DNAJC13: variants seen among roughly 807,000 people sequenced by gnomAD.
DNAJC13 encodes the protein dnaJ homolog subfamily C member 13.
Under a neutral mutation model 290.5 loss-of-function variants are expected in DNAJC13, and 75 were observed. The ratio of observed to expected loss-of-function variants is 0.26; its 90% CI spans 0.21 to 0.31. The LOEUF (loss-of-function observed/expected upper bound fraction) is 0.31. Among genes scored for constraint, DNAJC13 ranks in the 10% least tolerant of loss-of-function variants. The probability of loss-of-function intolerance (pLI) is 1.00; values close to 1 mark genes in which losing one functional copy is unlikely to be tolerated. For missense variants in DNAJC13, 2,260 were observed against 2,674.5 expected, an observed-to-expected ratio of 0.85 and a Z score of 3.42; for synonymous variants, 862 against 892.0, an observed-to-expected ratio of 0.97 and a Z score of 0.60.
At chr3:132,521,493 G>A (rs1341830341) in intron 48 of DNAJC13, among the ~76,000 whole-genome samples, 1 of 152,218 alleles carries the variant, frequency 6.6e-6, no homozygotes, top group Admixed American at 6.5e-5. Context: ...TAATGAGTCT[G>A]GGTAACTTGT....
At chr3:132,419,340 T>C (rs569848279) in intron 1 of DNAJC13, among the ~76,000 whole-genome samples, 36 of 152,320 alleles carry the variant, frequency 2.4e-4, no homozygotes, top group Non-Finnish European at 4.6e-4. Flanking sequence ...GTCTAAAATA[T>C]ATTAATGTTA....
At chr3:132,465,952 T>C in intron 17 of DNAJC13, 43 bp from the exon 18 acceptor site, 2 of 1,419,058 alleles carry the variant, frequency 1.4e-6, no homozygotes, top group Non-Finnish European at 2.0e-6. Flanking sequence ...CTGTTCTAGC[T>C]GAGATAAAGC....
chr3:132,442,886 A>G (rs755635675), intron 2 of DNAJC13, among the ~76,000 whole-genome samples: 1 of 152,224 alleles, frequency 6.6e-6, no homozygotes, highest in Non-Finnish European at 1.5e-5. Flanking sequence ...ATGTTATACT[A>G]TGAATTTAAA....
At position 132,528,317 on chromosome 3, in the gene DNAJC13, G is replaced by A. The variant is rs548535062; in HGVS notation, c.6510G>A (p.Leu2170=). 1.9e-6 allele frequency: 3 copies of A among 1,614,206 alleles called. No individual in the cohort carries two copies. In the Admixed American group the frequency reaches 5.0e-5, roughly 27 times the overall value. ...CTCTCAAGGCAATGACTCGAAGTTTGCAGTATGGAGAACAGGTGAGTCTGC... is the reference window on the plus strand; with the variant it reads ...CTCTCAAGGCAATGACTCGAAGTTTACAGTATGGAGAACAGGTGAGTCTGC... ...VKALKAMTRS[L]QYGEQVNEIL... is the part of the protein sequence containing the mutation. Residue 2170 remains leucine (L), a synonymous_variant, in exon 54 of 56, where the codon TTG becomes TTA. Transcript: ENST00000260818.
chr3:132,494,201 C>T lies in DNAJC13; in HGVS notation c.3883C>T (p.Pro1295Ser). The change falls in exon 34 of 56, where the codon CCT (proline) becomes TCT (serine). Residue 1295 changes from proline to serine, a missense_variant. Physicochemically the swap from Pro to Ser is moderately conservative, Grantham distance 74 (BLOSUM62 -1). Around this residue, in one of 3 missense-constraint regions of DNAJC13, gnomAD observed 1,494 missense variants for 1,693.7 expected, o/e 0.88. Transcript: ENST00000260818. ...GAAGAAAGAAGTAGAAAAGAAGCCA[C>T]CTATGATGTCAATAGATGATGCTTA... ...AWKKEVEKKP[P>S]MMSIDDAYEV... The T allele has an allele frequency of 2.5e-6, 4 of 1,613,096 alleles. No homozygotes were observed. Among genetic ancestry groups the T allele is most frequent in the Non-Finnish European group, 3.4e-6 (4 of 1,179,554 alleles).
chr3:132,438,567 C>T (rs1453752070), intron 2 of DNAJC13, among the ~76,000 whole-genome samples: 2 of 152,110 alleles, frequency 1.3e-5, no homozygotes, highest in Non-Finnish European at 2.9e-5. Context: ...TAACCTAGCC[C>T]CAGCATTTCA....
chr3:132,499,234 C>T lies in DNAJC13; in HGVS notation c.4265C>T (p.Ala1422Val), dbSNP rs1281341997. 6.2e-7 allele frequency: 1 copy of T among 1,614,102 alleles called. No homozygotes were observed. Among genetic ancestry groups the T allele is most frequent in the South Asian group, 1.1e-5 (1 of 91,084 alleles). Reference sequence around the variant, plus strand: ...AAAGAATCACCATTGTTGCCTGCGGCTACAGAGCTAGCTTTCCATACTGTC... The same window carrying T: ...AAAGAATCACCATTGTTGCCTGCGGTTACAGAGCTAGCTTTCCATACTGTC... ...FSKESPLLPA[A>V]TELAFHTVNC... is the part of the protein sequence containing the mutation. Residue 1422 changes from alanine to valine, a missense_variant, in exon 37 of 56, where the codon GCT (alanine) becomes GTT (valine). Around this residue, in one of 3 missense-constraint regions of DNAJC13, gnomAD observed 1,494 missense variants for 1,693.7 expected, o/e 0.88. Transcript: ENST00000260818.
chr3:132,487,656 TA>T (rs1318298012), intron 29 of DNAJC13, among the ~76,000 whole-genome samples: 2 of 150,972 alleles, frequency 1.3e-5, no homozygotes, highest in African/African-American at 4.9e-5. Context: ...ACACCTTTAT[TA>T]AGCTTCGTAG....
intron 20 of DNAJC13, among the ~76,000 whole-genome samples, chr3:132,467,535 G>A (rs1160904210): frequency 3.3e-5 from 5 of 152,036 alleles, no homozygotes; most frequent in African/African-American, 4.8e-5. Context: ...GAGCGATCTC[G>A]TCTCACTGCA....
chr3:132,420,394 G>A (rs1411946833), intron 1 of DNAJC13, among the ~76,000 whole-genome samples: 2 of 152,180 alleles, frequency 1.3e-5, no homozygotes, highest in East Asian at 3.9e-4. Context: ...TCAGGGGGTA[G>A]ATGAGAAGTG....
At chr3:132,516,301 A>T in intron 46 of DNAJC13, 121 bp from the exon 47 acceptor site, 1 of 878,198 alleles carries the variant, frequency 1.1e-6, no homozygotes, top group South Asian at 1.6e-5. Flanking sequence ...ACTGGTTATT[A>T]TGAGGATTAA....
rs755556794 is a variant in DNAJC13 at position 132,465,979 on chromosome 3, C to T, written c.1893-16C>T. The T allele has an allele frequency of 3.8e-6, 6 of 1,598,676 alleles. No individual in the cohort carries two copies. Among genetic ancestry groups the T allele is most frequent in the Admixed American group, 1.7e-5 (1 of 59,894 alleles). On this transcript the variant is annotated splice_polypyrimidine_tract_variant and intron_variant, in intron 17 of 55. Transcript: ENST00000260818. ...AGATAAAGCAGCAAACCTTTCTCAACGTCTGCTTTTTTCAGACAGCTAAGT... is the reference window on the plus strand; with the variant it reads ...AGATAAAGCAGCAAACCTTTCTCAATGTCTGCTTTTTTCAGACAGCTAAGT...
intron 20 of DNAJC13, among the ~76,000 whole-genome samples, chr3:132,472,031 G>C (rs1008301887): frequency 1.3e-4 from 19 of 149,942 alleles, no homozygotes; most frequent in Admixed American, 3.3e-4. Context: ...GATCACTCGC[G>C]GTTAGGGGCT....
In DNAJC13 at chr3:132,538,557, CTG is replaced by C. The variant is rs1478104774; in HGVS notation, c.*278_*279del. 1.2e-5 allele frequency: 3 copies of C among 247,680 alleles called. No homozygotes were observed. The highest frequency in any genetic ancestry group is 2.3e-5 in the Non-Finnish European group (3 of 131,620). 15.3% of individuals were successfully genotyped at this position (247,680 alleles called of 1,614,324 possible). On this transcript the variant is annotated 3_prime_UTR_variant, in exon 56 of 56. Transcript: ENST00000260818. ...TGTTCCTTTATATCTGTTTACAAAA[CTG>C]TGAATCAAAAAGACAAAACTTTCTT...
intron 14 of DNAJC13, 43 bp from the exon 15 acceptor site, chr3:132,461,007 C>T (rs1225224219): frequency 6.4e-7 from 1 of 1,569,864 alleles, no homozygotes; most frequent in Non-Finnish European, 8.7e-7. Flanking sequence ...ACTGAAGGTC[C>T]CCATCTCTTA....
chr3:132,461,785 A>G (rs1265330565), intron 15 of DNAJC13, among the ~76,000 whole-genome samples: 2 of 152,094 alleles, frequency 1.3e-5, no homozygotes, highest in Non-Finnish European at 2.9e-5. Flanking sequence ...TCAGCCTCCC[A>G]GGCTCAAGTA....
At chr3:132,496,320 T>TA (rs1935233196) in intron 35 of DNAJC13, among the ~76,000 whole-genome samples, 1 of 152,128 alleles carries the variant, frequency 6.6e-6, no homozygotes, top group South Asian at 2.1e-4. Context: ...GAATTTTCAG[T>TA]AAATGGTATT....
In DNAJC13 at chr3:132,507,277, G is replaced by T; in HGVS notation, c.5039G>T (p.Ser1680Ile). Residue 1680 changes from serine (S) to isoleucine (I), a missense_variant, in exon 43 of 56, where the codon AGT becomes ATT. Around this residue, in one of 3 missense-constraint regions of DNAJC13, gnomAD observed 1,494 missense variants for 1,693.7 expected, o/e 0.88. Coordinates refer to ENST00000260818, the MANE Select transcript of DNAJC13 (RefSeq NM_015268.4). ...ACTTATGGATCAGAATTTGTCTACA[G>T]TGATCATGCCAAAGAACTTATTGTA... ...DKTYGSEFVY[S>I]DHAKELIVGE... The T allele has an allele frequency of 6.2e-7, 1 of 1,613,482 alleles. No homozygotes were observed. Among genetic ancestry groups the T allele is most frequent in the African/African-American group, 1.3e-5 (1 of 75,020 alleles).
Position 132,500,912 on chromosome 3 carries a change from A to C in DNAJC13, c.4535A>C (p.Lys1512Thr). ...KDLCRVLYFG[K>T]SIPRVAALGV... ...CTCTGTCGGGTACTATATTTTGGCA[A>C]GGTAGGGTTAATCTTTAATGCTTTC... Residue 1512 changes from lysine (K) to threonine (T), a missense_variant and splice_region_variant, in exon 39 of 56, where the codon AAG becomes ACG. Physicochemically the swap from Lys to Thr is moderately conservative, Grantham distance 78. Transcript: ENST00000260818. The C allele has an allele frequency of 6.2e-7, 1 of 1,613,754 alleles. No homozygotes were observed. Among genetic ancestry groups the C allele is most frequent in the South Asian group, 1.1e-5 (1 of 91,052 alleles).
Sources: allele counts gnomAD v4.1 joint callset (sites outside exome capture counted in the v4.1 genomes callset), GRCh38; gene constraint gnomAD v4.1.1; regional missense constraint gnomAD v4.1.1; transcripts MANE v1.5; gene names NCBI Gene and HGNC (gene_info 2026-07-23, HGNC 2026-07-21).